The following WDR70 variants were observed in gnomAD, a reference collection of about 807,000 sequenced individuals.
WDR70 encodes the protein WD repeat-containing protein 70.
In WDR70, 53 loss-of-function variants were observed where a neutral mutation model predicts 88.6. The observed-to-expected ratio is 0.60, with a 90% CI of 0.48 to 0.75. The LOEUF (loss-of-function observed/expected upper bound fraction) is 0.75. WDR70 is among the 30% of genes least tolerant of loss of function. The pLI is 0.00. For synonymous variants in WDR70, 280 were observed against 270.0 expected (o/e 1.04, Z -0.36); for missense variants, 610 against 823.2 (o/e 0.74, Z 3.17).
At chr5:37,595,828 T>C (rs563412511) in intron 9 of WDR70, among the ~76,000 whole-genome samples, 2 of 152,302 alleles carry the variant, frequency 1.3e-5, no homozygotes, top group African/African-American at 2.4e-5. Context: ...GGAACATAAA[T>C]ACTAGGTCCT....
rs189172121 is a variant in WDR70, at chr5:37,551,495, C to T, written c.917+34905C>T. Among the ~76,000 whole-genome samples the T allele has an allele frequency of 3.3e-3, 505 of 151,506 alleles. 2 individuals carry two copies. The highest frequency in any genetic ancestry group is 0.012 in the African/African-American group (479 of 41,384). On this transcript the variant is annotated intron_variant, in intron 9 of 17. Transcript: ENST00000265107. ...CTCTAATCCTGGCACTTTGGGAGGC[C>T]GAGGCAGGTGGATCACGAGGTCAGG...
chr5:37,679,298 G>A lies in WDR70; in HGVS notation c.1093-18357G>A, dbSNP rs1263457012. ...GAGGAACTGCATTCCTTTGGAGGAG[G>A]AGAGGCACCCTGCTTTTTAGAGTTT... On this transcript the variant is annotated intron_variant, in intron 10 of 17. Transcript: ENST00000265107. 2.0e-5 allele frequency among the ~76,000 whole-genome samples: 3 copies of A among 152,088 alleles called. No individual in the cohort carries two copies. The East Asian group carries it at 5.8e-4, about 29-fold the overall frequency.
chr5:37,612,654 A>G (rs1744221214), intron 10 of WDR70, among the ~76,000 whole-genome samples: 1 of 152,202 alleles, frequency 6.6e-6, no homozygotes, highest in South Asian at 2.1e-4. Context: ...GGCTGTGAAC[A>G]TCTTACGCAT....
At chr5:37,694,804 C>A (rs1333429922) in intron 10 of WDR70, among the ~76,000 whole-genome samples, 1 of 151,574 alleles carries the variant, frequency 6.6e-6, no homozygotes, top group Non-Finnish European at 1.5e-5. Context: ...ATGTATCAAA[C>A]CTGCATATTG....
At chr5:37,516,253 C>T (rs369667780) in intron 8 of WDR70, among the ~76,000 whole-genome samples, 9 of 152,154 alleles carry the variant, frequency 5.9e-5, no homozygotes, top group African/African-American at 2.2e-4. Flanking sequence ...CCATTTCCCA[C>T]CTTACTAAGC....
intron 9 of WDR70, among the ~76,000 whole-genome samples, chr5:37,599,516 A>G (rs900530111): frequency 6.6e-6 from 1 of 152,262 alleles, no homozygotes; most frequent in African/African-American, 2.4e-5. Flanking sequence ...GATTTTCCAC[A>G]AAGATGCCAA....
Position 37,690,743 on chromosome 5 carries a change from C to G in WDR70, c.1093-6912C>G, listed in dbSNP as rs566865361. ...ATGAAAAGAAATAACCAGTACCAGC[C>G]ATTGCAAAAACATGCCAAATTGTAA... is the stretch of plus-strand genomic sequence containing the variant. On this transcript the variant is annotated intron_variant, in intron 10 of 17. Transcript: ENST00000265107. Among the ~76,000 whole-genome samples, 27 of 152,298 alleles carry G rather than the reference C, an allele frequency of 1.8e-4. No homozygotes were observed. The East Asian group carries it at 4.8e-3, about 27-fold the overall frequency.
intron 9 of WDR70, among the ~76,000 whole-genome samples, chr5:37,545,404 A>G (rs1741955609): frequency 6.6e-6 from 1 of 152,232 alleles, no homozygotes; most frequent in Admixed American, 6.5e-5. Context: ...AATGTCTGAT[A>G]TAGCTTGTAA....
rs1747154117 is a variant in WDR70, at chr5:37,701,273, T to G, written c.1277+131T>G. 5 of 596,322 alleles carry G rather than the reference T, an allele frequency of 8.4e-6. No homozygotes were observed. The South Asian group carries it at 1.3e-4, about 16-fold the overall frequency. 36.9% of individuals were successfully genotyped at this position (596,322 alleles called of 1,614,324 possible). The stretch of plus-strand genomic sequence containing the variant: ...GAGACTTGAGAGAGTGATCAAAATC[T>G]GTTTTTTGAAAAATATGTATTTTTT... On this transcript the variant is annotated intron_variant, in intron 12 of 17. Transcript: ENST00000265107.
chr5:37,611,946 C>T (rs949762000), intron 10 of WDR70, among the ~76,000 whole-genome samples: 10 of 152,048 alleles, frequency 6.6e-5, no homozygotes, highest in African/African-American at 2.4e-4. Flanking sequence ...AACATGACCT[C>T]CAATGGTTAA....
At chr5:37,690,328 G>A (rs143333181) in intron 10 of WDR70, among the ~76,000 whole-genome samples, 2,104 of 152,244 alleles carry the variant, frequency 0.014, 42 homozygotes, top group African/African-American at 0.047. Flanking sequence ...AGCAAGGCAG[G>A]CCAACATTCA....
chr5:37,438,007 C>G (rs761545982), intron 6 of WDR70, 26 bp downstream of exon 6: 2 of 1,589,584 alleles, frequency 1.3e-6, no homozygotes, highest in South Asian at 2.3e-5. Flanking sequence ...TAGTTTTTTC[C>G]TCTCTCAAAT....
intron 7 of WDR70, among the ~76,000 whole-genome samples, chr5:37,449,812 A>G (rs1738613538): frequency 6.6e-6 from 1 of 152,012 alleles, no homozygotes; most frequent in African/African-American, 2.4e-5. Context: ...GGTTTGTTAC[A>G]TAGGTATACA....
At chr5:37,685,976 C>T (rs775630291) in intron 10 of WDR70, among the ~76,000 whole-genome samples, 2 of 152,142 alleles carry the variant, frequency 1.3e-5, no homozygotes, top group Non-Finnish European at 2.9e-5. Flanking sequence ...CTGCTAGGAG[C>T]GTGCCAGTCA....
At chr5:37,438,449 G>A (rs1262685053) in intron 6 of WDR70, among the ~76,000 whole-genome samples, 2 of 151,864 alleles carry the variant, frequency 1.3e-5, no homozygotes, top group African/African-American at 2.4e-5. Context: ...TGTTTATATT[G>A]TTATATTTAC....
chr5:37,597,298 G>A (rs1388140489), intron 9 of WDR70, among the ~76,000 whole-genome samples: 1 of 152,054 alleles, frequency 6.6e-6, no homozygotes, highest in Non-Finnish European at 1.5e-5. Flanking sequence ...GTTCCATTTT[G>A]CATTCCCACA....
chr5:37,748,536 TC>T lies in WDR70; in HGVS notation c.1878-3948del, dbSNP rs542926532. 7.2e-5 allele frequency among the ~76,000 whole-genome samples: 11 copies of T among 152,260 alleles called. No homozygotes were observed. The East Asian group carries it at 2.1e-3, about 29-fold the overall frequency. On this transcript the variant is annotated intron_variant, in intron 17 of 17. Coordinates refer to ENST00000265107, the MANE Select transcript of WDR70 (RefSeq NM_018034.4). ...TAGAAGAAAACCCAGGCAAGACCAT[TC>T]CTAGGACATAGGCATGGGCAAAGAC...
chr5:37,552,398 A>G (rs1372856548), intron 9 of WDR70, among the ~76,000 whole-genome samples: 1 of 152,200 alleles, frequency 6.6e-6, no homozygotes, highest in East Asian at 1.9e-4. Context: ...TAAGACTTAG[A>G]CTACATTAAT....
chr5:37,397,053 G>C (rs1390216382), intron 5 of WDR70, among the ~76,000 whole-genome samples: 1 of 152,040 alleles, frequency 6.6e-6, no homozygotes, highest in Non-Finnish European at 1.5e-5. Flanking sequence ...GAGGTGGGAG[G>C]ATAATTTGGG....
Sources: allele counts gnomAD v4.1 joint callset (sites outside exome capture counted in the v4.1 genomes callset), GRCh38; gene constraint gnomAD v4.1.1; transcripts MANE v1.5; gene names NCBI Gene and HGNC (gene_info 2026-07-23, HGNC 2026-07-21).